The following LONP2 variants were observed in gnomAD, a reference collection of about 807,000 sequenced individuals.
The protein encoded by LONP2 is lon peptidase 2, peroxisomal.
A neutral mutation model predicts 85.6 loss-of-function variants in LONP2; 60 were observed. The observed-to-expected ratio is 0.70, with a 90% confidence interval of 0.57 to 0.87. LONP2 has a LOEUF of 0.87. Among genes scored for constraint, LONP2 ranks in the 40% least tolerant of loss-of-function variants. The probability of loss-of-function intolerance (pLI) is 0.00; values close to 1 mark genes in which losing one functional copy is unlikely to be tolerated. For missense variants in LONP2, 860 were observed against 1,063.5 expected (o/e 0.81, Z 2.66); for synonymous variants, 395 against 389.7 (o/e 1.01, Z -0.16).
At chr16:48,283,812 C>T (rs1249560169) in intron 8 of LONP2, among the ~76,000 whole-genome samples, 1 of 152,130 alleles carries the variant, frequency 6.6e-6, no homozygotes, top group East Asian at 1.9e-4. Flanking sequence ...ATTTAAGAAA[C>T]ACATTTTTTA....
chr16:48,313,690 G>C (rs1398759478), intron 11 of LONP2, among the ~76,000 whole-genome samples: 1 of 152,110 alleles, frequency 6.6e-6, no homozygotes, highest in Non-Finnish European at 1.5e-5. Context: ...AGTATTTCAT[G>C]GTGTACATGT....
At position 48,362,712 on chromosome 16, in the gene LONP2, T is replaced by C; in HGVS notation, c.*849T>C. 1 of 299,754 alleles carries C rather than the reference T, an allele frequency of 3.3e-6. No homozygotes were observed. 18.6% of individuals were successfully genotyped at this position (299,754 alleles called of 1,614,324 possible). A position where few individuals can be genotyped will look rare whatever the true frequency, so the allele number is the denominator to read the frequency against. On this transcript the variant is annotated 3_prime_UTR_variant, in exon 5 of 5. Coordinates refer to the LONP2 transcript ENST00000565867. The surrounding 1 kb of genome is among the most constrained non-coding windows in gnomAD (Gnocchi z 4.2). ...TGGATAGACTACATAGAATAATAAA[T>C]GCTAAAATAGAAAATGGACCATAAA... is the stretch of plus-strand genomic sequence containing the variant.
chr16:48,294,524 G>A (rs1972627151), intron 8 of LONP2, among the ~76,000 whole-genome samples: 1 of 152,164 alleles, frequency 6.6e-6, no homozygotes, highest in Non-Finnish European at 1.5e-5. Context: ...CCTGCACTTT[G>A]GGAGGCCAAG....
At chr16:48,249,277 C>A (rs185345747) in intron 1 of LONP2, among the ~76,000 whole-genome samples, 75 of 152,316 alleles carry the variant, frequency 4.9e-4, no homozygotes, top group African/African-American at 1.6e-3. Flanking sequence ...GGACACCAGT[C>A]ATTGGGATGT....
At chr16:48,256,462 G>A (rs1596911010) in intron 2 of LONP2, 148 bp from the exon 3 acceptor site, 2 of 716,952 alleles carry the variant, frequency 2.8e-6, no homozygotes, top group East Asian at 5.6e-5. Flanking sequence ...TTCCTCTGAG[G>A]CCTGTAAAAT....
At chr16:48,342,773 T>C (rs1226922999) in intron 12 of LONP2, among the ~76,000 whole-genome samples, 1 of 152,224 alleles carries the variant, frequency 6.6e-6, no homozygotes, top group Non-Finnish European at 1.5e-5. Context: ...TTAAAGAAGT[T>C]GCCAGATGGA....
At chr16:48,361,539 TG>T (rs1370206165), downstream of LONP2, 1 of 1,594,434 alleles carries the variant, frequency 6.3e-7, no homozygotes, top group South Asian at 1.1e-5. Flanking sequence ...TCTGTGAAAC[TG>T]AAGTTTTAAA....
At chr16:48,256,571 GC>G in intron 2 of LONP2, 38 bp from the exon 3 acceptor site, 1 of 1,601,182 alleles carries the variant, frequency 6.2e-7, no homozygotes, top group Non-Finnish European at 8.5e-7. Context: ...CACAAATAAT[GC>G]CAGATTTCAT....
intron 11 of LONP2, among the ~76,000 whole-genome samples, chr16:48,325,696 A>C (rs1350439929): frequency 6.6e-6 from 1 of 152,200 alleles, no homozygotes; most frequent in Non-Finnish European, 1.5e-5. Context: ...TATATTAGCT[A>C]TTGTGAATAG....
At chr16:48,279,390 C>A (rs562606873) in intron 8 of LONP2, among the ~76,000 whole-genome samples, 1 of 152,130 alleles carries the variant, frequency 6.6e-6, no homozygotes, top group South Asian at 2.1e-4. Flanking sequence ...TTAAGTCTTC[C>A]TTCTTAGGAT....
intron 11 of LONP2, among the ~76,000 whole-genome samples, chr16:48,323,802 CCAAAATA>C (rs1168904656): frequency 2.0e-5 from 3 of 152,070 alleles, no homozygotes; most frequent in African/African-American, 7.2e-5. Context: ...GTTGCCACCC[CCAAAATA>C]ATGAAGAAAA....
At chr16:48,330,860 A>G (rs1038456004) in intron 11 of LONP2, among the ~76,000 whole-genome samples, 2 of 152,182 alleles carry the variant, frequency 1.3e-5, no homozygotes, top group East Asian at 1.9e-4. Flanking sequence ...GCCATCTTTT[A>G]TAAGGTCTAG....
At chr16:48,281,394 T>C (rs1972324353) in intron 8 of LONP2, among the ~76,000 whole-genome samples, 1 of 152,162 alleles carries the variant, frequency 6.6e-6, no homozygotes, top group South Asian at 2.1e-4. Flanking sequence ...ATTGGAAGAC[T>C]ATAAAAATAG....
rs529224197 is a variant in LONP2, at chr16:48,274,296, G to A, written c.1242-3042G>A. 1.4e-4 allele frequency among the ~76,000 whole-genome samples: 22 copies of A among 152,126 alleles called. No individual in the cohort carries two copies. The South Asian group carries it at 4.4e-3, about 30-fold the overall frequency. ...AACTGTGGAGATGAAACATAAATAC[G>A]TTTATAAAAAGTACAAGCTTTCTCA... is the stretch of plus-strand genomic sequence containing the variant. On this transcript the variant is annotated intron_variant, in intron 7 of 14. Coordinates refer to ENST00000285737, the MANE Select transcript of LONP2 (RefSeq NM_031490.5).
chr16:48,361,280 A>G (rs1960580412), downstream of LONP2: 2 of 316,058 alleles, frequency 6.3e-6, no homozygotes, highest in Non-Finnish European at 1.2e-5. Context: ...AATACAATCA[A>G]TCTACAACAA....
chr16:48,269,411 A>G (rs964356444), intron 6 of LONP2, among the ~76,000 whole-genome samples: 8 of 152,234 alleles, frequency 5.3e-5, no homozygotes, highest in Non-Finnish European at 1.2e-4. Flanking sequence ...AAGTAACCAT[A>G]GAATGTTACT....
At chr16:48,273,693 GTAAC>G (rs1362388150) in intron 7 of LONP2, among the ~76,000 whole-genome samples, 1 of 151,938 alleles carries the variant, frequency 6.6e-6, no homozygotes, top group Non-Finnish European at 1.5e-5. Flanking sequence ...CAAATATAAG[GTAAC>G]TAACTTCTTT....
At chr16:48,305,955 A>C (rs1186022365) in intron 11 of LONP2, among the ~76,000 whole-genome samples, 1 of 152,244 alleles carries the variant, frequency 6.6e-6, no homozygotes, top group Non-Finnish European at 1.5e-5. Context: ...TTTAAAAAAA[A>C]TGTCCTAGGT....
At position 48,362,461 on chromosome 16, in the gene LONP2, AAAT is replaced by A. The variant is rs1960630050; in HGVS notation, c.*602_*604del. The A allele has an allele frequency of 1.2e-6, 2 of 1,606,340 alleles. No homozygotes were observed. The highest frequency in any genetic ancestry group is 1.1e-5 in the South Asian group (1 of 90,374). Reference sequence around the variant, plus strand: ...ATAAATACATAAGGAGGCAGGAGAAAAATAATTATAACCATGACTTACTTTATA... The same window carrying A: ...ATAAATACATAAGGAGGCAGGAGAAAAATTATAACCATGACTTACTTTATA... On this transcript the variant is annotated 3_prime_UTR_variant, in exon 5 of 5. Coordinates refer to the LONP2 transcript ENST00000565867. The surrounding 1 kb of genome is among the most constrained non-coding windows in gnomAD (Gnocchi z 4.2).
Sources: gnomAD v4.1 joint callset for allele counts (sites outside exome capture counted in the v4.1 genomes callset) on GRCh38, gnomAD v4.1.1 for gene constraint, Gnocchi (gnomAD v3.1) non-coding constraint, MANE v1.5 for transcripts, NCBI Gene and HGNC (gene_info 2026-07-23, HGNC 2026-07-21) for gene names.